The following MOB2 variants were observed in gnomAD, a reference collection of about 807,000 sequenced individuals.
The protein encoded by MOB2 is MOB kinase activator 2.
In MOB2, 14 loss-of-function variants were observed where a neutral mutation model predicts 27.4. The ratio of observed to expected loss-of-function variants is 0.51; its 90% CI spans 0.34 to 0.80. The LOEUF is 0.80. Ranked by LOEUF, MOB2 falls within the 30% of genes least tolerant of loss-of-function variation. MOB2 has a pLI of 0.01. For missense variants in MOB2, 304 were observed against 354.6 expected (o/e 0.86, Z 1.15); for synonymous variants, 167 against 151.8 (o/e 1.10, Z -0.74).
intron 3 of MOB2, chr11:1,471,794 A>ATTTTTTAATGATACG: frequency 5.8e-6 from 1 of 172,950 alleles, no homozygotes; most frequent in Non-Finnish European, 1.2e-5. Flanking sequence ...GTATTTTGAA[A>ATTTTTTAATGATACG]GCACACAGAG....
rs569241701 is a variant in MOB2, at chr11:1,471,179, T to C, written c.490+116A>G. On this transcript the variant is annotated intron_variant, in intron 4 of 4. Coordinates refer to ENST00000329957, the MANE Select transcript of MOB2 (RefSeq NM_001172223.3). The stretch of plus-strand genomic sequence containing the variant: ...TAAGCAGGGACTGGGGTGGTGCAGC[T>C]GCCGCCCTCCGTGCCTCTGCCCCTC... The C allele has an allele frequency of 1.8e-5, 25 of 1,380,196 alleles. No homozygotes were observed. The Admixed American group carries it at 6.0e-4, about 33-fold the overall frequency. 85.5% of individuals were successfully genotyped at this position (1,380,196 alleles called of 1,614,324 possible). A position where few individuals can be genotyped will look rare whatever the true frequency, so the allele number is the denominator to read the frequency against.
intron 3 of MOB2, among the ~76,000 whole-genome samples, chr11:1,479,716 C>T (rs1354287716): frequency 6.6e-6 from 1 of 152,246 alleles, no homozygotes; most frequent in Non-Finnish European, 1.5e-5. Flanking sequence ...CTGTCCCTGA[C>T]CTGTGTGCAC....
At chr11:1,474,753 G>A (rs912657230) in intron 3 of MOB2, among the ~76,000 whole-genome samples, 1 of 148,762 alleles carries the variant, frequency 6.7e-6, no homozygotes, top group Non-Finnish European at 1.5e-5. Flanking sequence ...CGGACTCTCC[G>A]TCCACACGTT....
intron 1 of MOB2, chr11:1,481,353 A>T (rs1847911702): frequency 4.5e-6 from 1 of 221,376 alleles, no homozygotes; most frequent in Non-Finnish European, 9.4e-6. Flanking sequence ...GGCCTTGTGC[A>T]GGGCACCTGC....
Position 1,471,236 on chromosome 11 carries a change from G to C in MOB2, c.490+59C>G, listed in dbSNP as rs1014580142. 1.2e-5 allele frequency: 19 copies of C among 1,560,082 alleles called. No homozygotes were observed. The African/African-American group carries it at 2.3e-4, about 19-fold the overall frequency. On this transcript the variant is annotated intron_variant, in intron 4 of 4. Transcript: ENST00000329957. ...CAGGAGCTTGGTCACTTGCAGACAC[G>C]TCCTGAATGCTCCCTGCCCCACTGT...
chr11:1,469,885 A>C lies in MOB2; in HGVS notation c.*287T>G, dbSNP rs1590759617. The C allele has an allele frequency of 6.9e-6, 5 of 720,056 alleles. No homozygotes were observed. In the East Asian group the frequency reaches 1.2e-4, roughly 17 times the overall value. The allele number at this position is 720,056 out of a possible 1,614,324, so 44.6% of individuals were successfully genotyped here. On this transcript the variant is annotated 3_prime_UTR_variant, in exon 5 of 5. Coordinates refer to ENST00000329957, the MANE Select transcript of MOB2 (RefSeq NM_001172223.3). ...CTGCACGGAGACCAGAGAAAGGAAAACCCCACAGAAGAAAACTCAAAGCAT... is the reference window on the plus strand; with the variant it reads ...CTGCACGGAGACCAGAGAAAGGAAACCCCCACAGAAGAAAACTCAAAGCAT...
intron 1 of MOB2, among the ~76,000 whole-genome samples, chr11:1,484,398 T>C (rs1847948422): frequency 1.3e-5 from 2 of 152,080 alleles, no homozygotes; most frequent in African/African-American, 4.8e-5. Flanking sequence ...TGGACCCCAC[T>C]CAGCCATCTG....
intron 3 of MOB2, among the ~76,000 whole-genome samples, chr11:1,475,575 G>A (rs1847844526): frequency 6.6e-6 from 1 of 152,212 alleles, no homozygotes; most frequent in Admixed American, 6.5e-5. Flanking sequence ...GATTACAGGT[G>A]TGAGCCACCA....
chr11:1,486,063 C>T (rs934423730), intron 1 of MOB2, among the ~76,000 whole-genome samples: 12 of 152,246 alleles, frequency 7.9e-5, no homozygotes, highest in Non-Finnish European at 1.5e-4. Context: ...CACCTGCTGG[C>T]GGCTGAGGAA....
Position 1,470,153 on chromosome 11 carries a change from C to A in MOB2, c.*19G>T. The A allele has an allele frequency of 6.4e-7, 1 of 1,574,008 alleles. No individual in the cohort carries two copies. Reference sequence around the variant, plus strand: ...CACCGTCTCTTTGCACACGTGTGCCCCTGTCCGGCCCGGGGGGCTCATCTC... The same window carrying A: ...CACCGTCTCTTTGCACACGTGTGCCACTGTCCGGCCCGGGGGGCTCATCTC... On this transcript the variant is annotated 3_prime_UTR_variant, in exon 5 of 5. Coordinates refer to ENST00000329957, the MANE Select transcript of MOB2 (RefSeq NM_001172223.3).
intron 1 of MOB2, among the ~76,000 whole-genome samples, chr11:1,484,107 G>A (rs904689938): frequency 3.9e-5 from 6 of 152,126 alleles, no homozygotes. Flanking sequence ...AGGCCCCACG[G>A]CCCACAGGAA....
chr11:1,482,397 T>C (rs2878234), intron 1 of MOB2, among the ~76,000 whole-genome samples: 139,828 of 152,320 alleles, frequency 0.92, 64,343 homozygotes, highest in East Asian at 1. Context: ...CCTTCCAGGC[T>C]GGGGCTACCT....
chr11:1,479,855 C>T (rs1008363414), intron 3 of MOB2, among the ~76,000 whole-genome samples: 1 of 152,224 alleles, frequency 6.6e-6, no homozygotes, highest in Non-Finnish European at 1.5e-5. Context: ...CCAGGCCTGG[C>T]GGCGCTCCTT....
At chr11:1,473,696 G>T (rs897039091) in intron 3 of MOB2, among the ~76,000 whole-genome samples, 4 of 152,256 alleles carry the variant, frequency 2.6e-5, no homozygotes, top group African/African-American at 9.6e-5. Flanking sequence ...CTGAAAGATG[G>T]AACACCACTG....
chr11:1,473,970 G>T (rs1221562717), intron 3 of MOB2, among the ~76,000 whole-genome samples: 2 of 42,506 alleles, frequency 4.7e-5, no homozygotes, highest in African/African-American at 1.0e-4. Context: ...CGTGGCAGAC[G>T]TGTCGGAAGT....
rs140059969 is a variant in MOB2, at chr11:1,473,923, G to A, written c.366-2504C>T. Among the ~76,000 whole-genome samples, 208 of 152,238 alleles carry A rather than the reference G, an allele frequency of 1.4e-3. 1 individual carries two copies. The highest frequency in any genetic ancestry group is 4.7e-3 in the African/African-American group (197 of 41,556). ...CGCACCGCGCGGATCCTCCCGATCT[G>A]GGCCCCTCTTGCACGGAGGCCCCTG... On this transcript the variant is annotated intron_variant, in intron 3 of 4. Coordinates refer to ENST00000329957, the MANE Select transcript of MOB2 (RefSeq NM_001172223.3).
chr11:1,476,088 C>T (rs1847849819), intron 3 of MOB2, among the ~76,000 whole-genome samples: 1 of 152,146 alleles, frequency 6.6e-6, no homozygotes, highest in Admixed American at 6.5e-5. Flanking sequence ...GAGGAGGAGG[C>T]ACACCTGGAG....
At chr11:1,476,755 CTTGAG>C (rs886378614) in intron 3 of MOB2, among the ~76,000 whole-genome samples, 15 of 152,300 alleles carry the variant, frequency 9.8e-5, no homozygotes, top group African/African-American at 2.2e-4. Context: ...CTAGGCACTG[CTTGAG>C]TTATGTCTCA....
intron 3 of MOB2, chr11:1,472,105 G>A (rs74943824): frequency 1.7e-4 from 26 of 152,258 alleles, no homozygotes; most frequent in Non-Finnish European, 3.7e-4. Flanking sequence ...GCCATGACAA[G>A]GGTGTGCTCT....
Sources: allele counts gnomAD v4.1 joint callset (sites outside exome capture counted in the v4.1 genomes callset), GRCh38; gene constraint gnomAD v4.1.1; transcripts MANE v1.5; gene names NCBI Gene and HGNC (gene_info 2026-07-23, HGNC 2026-07-21).